The following PSD3 variants were observed in gnomAD, a reference collection of about 807,000 sequenced individuals.
The protein encoded by PSD3 is PH and SEC7 domain-containing protein 3.
PSD3 carries 49 observed loss-of-function variants against 105.5 expected under a neutral mutation model. The observed-to-expected ratio is 0.46, with a 90% CI of 0.37 to 0.59. PSD3 has a LOEUF of 0.59. PSD3 is among the 20% of genes least tolerant of loss of function. PSD3 has a pLI of 0.00. For synonymous variants in PSD3, 557 were observed against 457.8 expected, an observed-to-expected ratio of 1.22 and a Z score of -2.77; for missense variants, 1,561 against 1,263.8, an observed-to-expected ratio of 1.24 and a Z score of -3.57.
chr8:18,657,287 T>C (rs1304843040), intron 9 of PSD3, among the ~76,000 whole-genome samples: 1 of 152,184 alleles, frequency 6.6e-6, no homozygotes, highest in Non-Finnish European at 1.5e-5. Flanking sequence ...TTCAGCAAAA[T>C]ACTTCCAAAT....
intron 11 of PSD3, among the ~76,000 whole-genome samples, chr8:18,623,385 G>A (rs1806255673): frequency 7.0e-6 from 1 of 143,046 alleles, no homozygotes; most frequent in Non-Finnish European, 1.5e-5. Flanking sequence ...GCCAAGGCAG[G>A]AGGACTGCTT....
At chr8:19,068,086 C>T (rs75270914) in intron 1 of PSD3, among the ~76,000 whole-genome samples, 2,419 of 152,242 alleles carry the variant, frequency 0.016, 76 homozygotes, top group African/African-American at 0.056. Flanking sequence ...GAATACAGGA[C>T]TGGCTGCACA....
chr8:19,058,194 T>C (rs1828773284), intron 1 of PSD3, among the ~76,000 whole-genome samples: 1 of 152,156 alleles, frequency 6.6e-6, no homozygotes, highest in African/African-American at 2.4e-5. Context: ...TCTCAGTGGG[T>C]TACGTACTTT....
chr8:18,756,239 C>T (rs779199853), intron 9 of PSD3, among the ~76,000 whole-genome samples: 1 of 152,064 alleles, frequency 6.6e-6, no homozygotes, highest in Admixed American at 6.6e-5. Context: ...TTAAATACCA[C>T]CCATAAGTTC....
chr8:18,897,405 G>C (rs1437126383), intron 2 of PSD3, among the ~76,000 whole-genome samples: 2 of 152,066 alleles, frequency 1.3e-5, no homozygotes, highest in Admixed American at 6.6e-5. Context: ...ATGCTATTTG[G>C]TTACTATGGT....
At chr8:18,575,096 C>G (rs370714307) in intron 13 of PSD3, 32 bp downstream of exon 13, 2 of 1,601,888 alleles carry the variant, frequency 1.2e-6, no homozygotes, top group African/African-American at 1.3e-5. Flanking sequence ...TGAACTAAAA[C>G]ACAAAATCAA....
chr8:18,692,058 G>C (rs1801002467), intron 9 of PSD3, among the ~76,000 whole-genome samples: 1 of 152,094 alleles, frequency 6.6e-6, no homozygotes, highest in Non-Finnish European at 1.5e-5. Context: ...ATAATGTCAA[G>C]CCATATTTAG....
chr8:18,661,432 A>G lies in PSD3; in HGVS notation c.2173-5747T>C, dbSNP rs1298889426. 5.3e-5 allele frequency among the ~76,000 whole-genome samples: 8 copies of G among 152,242 alleles called. No individual in the cohort carries two copies. The South Asian group carries it at 1.4e-3, about 28-fold the overall frequency. On this transcript the variant is annotated intron_variant, in intron 9 of 15. Coordinates refer to ENST00000327040, the MANE Select transcript of PSD3 (RefSeq NM_015310.4). ...GAGAAAGAGCATGTTTGAAAAAGAC[A>G]CTGGTTAAAAATTAATGATAAAACC...
intron 9 of PSD3, among the ~76,000 whole-genome samples, chr8:18,677,526 C>G (rs998953378): frequency 1.3e-5 from 2 of 152,162 alleles, no homozygotes; most frequent in African/African-American, 2.4e-5. Flanking sequence ...GCCTAGAAGA[C>G]AGAGCAATAT....
chr8:18,653,726 G>A (rs1387522903), intron 10 of PSD3, among the ~76,000 whole-genome samples: 11 of 150,446 alleles, frequency 7.3e-5, no homozygotes, highest in Admixed American at 6.6e-4. Flanking sequence ...ATCAAACTCC[G>A]ACTACCTATA....
intron 1 of PSD3, among the ~76,000 whole-genome samples, chr8:19,011,668 G>T (rs1378006120): frequency 6.6e-6 from 1 of 151,612 alleles, no homozygotes; most frequent in Non-Finnish European, 1.5e-5. Context: ...ACATAATAAG[G>T]TATATGTTAT....
At chr8:18,682,872 A>G (rs1277842935) in intron 9 of PSD3, among the ~76,000 whole-genome samples, 1 of 151,986 alleles carries the variant, frequency 6.6e-6, no homozygotes, top group Non-Finnish European at 1.5e-5. Flanking sequence ...AACCCCGAGA[A>G]GGCTGAAATG....
rs189160725 is a variant in PSD3 at position 19,006,080 on chromosome 8, G to T, written c.21+7483C>A. Among the ~76,000 whole-genome samples, 281 of 151,738 alleles carry T rather than the reference G, an allele frequency of 1.9e-3. 3 individuals carry two copies. The highest frequency in any genetic ancestry group is 6.5e-3 in the African/African-American group (270 of 41,446). Reference sequence around the variant, plus strand: ...GAGGCCGAGGCAGGCGAATCATGACGTCAAGAGATTCAGATCATCCTGGGC... The same window carrying T: ...GAGGCCGAGGCAGGCGAATCATGACTTCAAGAGATTCAGATCATCCTGGGC... On this transcript the variant is annotated intron_variant, in intron 1 of 15. Coordinates refer to ENST00000327040, the MANE Select transcript of PSD3 (RefSeq NM_015310.4).
At chr8:18,655,764 T>G (rs17518764) in intron 9 of PSD3, 79 bp from the exon 10 acceptor site, 55,576 of 1,393,444 alleles carry the variant, frequency 0.04, 1,197 homozygotes, top group East Asian at 0.055. Flanking sequence ...ACCAAGTAAT[T>G]CCTTCATAAA....
intron 10 of PSD3, among the ~76,000 whole-genome samples, chr8:18,650,792 C>G (rs1470084227): frequency 6.6e-6 from 1 of 152,180 alleles, no homozygotes; most frequent in Non-Finnish European, 1.5e-5. Context: ...CAAATTAATA[C>G]AACATTCTCT....
intron 4 of PSD3, among the ~76,000 whole-genome samples, chr8:18,812,868 T>C (rs888085147): frequency 2.0e-5 from 3 of 152,134 alleles, no homozygotes; most frequent in South Asian, 2.1e-4. Context: ...TGATGCACTG[T>C]CAGAGCTTTG....
At chr8:18,540,752 G>A (rs892053471) in intron 15 of PSD3, among the ~76,000 whole-genome samples, 2 of 152,086 alleles carry the variant, frequency 1.3e-5, no homozygotes, top group Non-Finnish European at 2.9e-5. Flanking sequence ...AAGACAGAGT[G>A]TGTCAGCTCT....
chr8:18,575,115 C>A lies in PSD3; in HGVS notation c.2639+13G>T. On this transcript the variant is annotated intron_variant, in intron 13 of 15. Coordinates refer to ENST00000327040, the MANE Select transcript of PSD3 (RefSeq NM_015310.4). ...CTAAAACACAAAATCAAATAAAAAC[C>A]AACAAAACATACTGAGTTTGAAAAA... 6.2e-7 allele frequency: 1 copy of A among 1,607,586 alleles called. No individual in the cohort carries two copies.
At chr8:18,974,878 C>T (rs187158395) in intron 1 of PSD3, among the ~76,000 whole-genome samples, 6 of 152,006 alleles carry the variant, frequency 3.9e-5, no homozygotes, top group Admixed American at 2.6e-4. Flanking sequence ...AAGGGTGGAC[C>T]GCAGTGCTAA....
Sources: gnomAD v4.1 joint callset for allele counts (sites outside exome capture counted in the v4.1 genomes callset) on GRCh38, gnomAD v4.1.1 for gene constraint, MANE v1.5 for transcripts, NCBI Gene and HGNC (gene_info 2026-07-23, HGNC 2026-07-21) for gene names.